Variants in MCHR2 observed in about 807,000 individuals in gnomAD.
The protein encoded by MCHR2 is melanin-concentrating hormone receptor 2.
MCHR2 carries 15 observed loss-of-function variants against 24.8 expected under a neutral mutation model. The observed-to-expected ratio is 0.60, with a 90% confidence interval of 0.40 to 0.93. MCHR2 has a LOEUF of 0.93. MCHR2 is among the 40% of genes least tolerant of loss of function. MCHR2 has a pLI of 0.00. For synonymous variants in MCHR2, 151 were observed against 147.6 expected (o/e 1.02, Z -0.17); for missense variants, 386 against 408.7 (o/e 0.94, Z 0.48).
intron 1 of MCHR2, among the ~76,000 whole-genome samples, chr6:99,958,584 A>T (rs187349252): frequency 6.6e-6 from 1 of 152,280 alleles, no homozygotes; most frequent in Non-Finnish European, 1.5e-5. Flanking sequence ...ATGGTAAAAC[A>T]GGAAATCTCA....
chr6:99,931,571 C>T (rs558268029), intron 5 of MCHR2, among the ~76,000 whole-genome samples: 23 of 152,264 alleles, frequency 1.5e-4, no homozygotes, highest in Admixed American at 8.5e-4. Context: ...CCCTCGCTGC[C>T]GCCTTGCAGT....
chr6:99,971,308 T>C (rs777219368), intron 1 of MCHR2, among the ~76,000 whole-genome samples: 1 of 150,260 alleles, frequency 6.7e-6, no homozygotes, highest in African/African-American at 2.4e-5. Context: ...AGGTATTTTA[T>C]TCTCTTTGAA....
chr6:99,928,328 GTATCAGGATGACGC>G lies in MCHR2; in HGVS notation c.707+6056_707+6069del, dbSNP rs539560079. Among the ~76,000 whole-genome samples, 409 of 152,308 alleles carry G rather than the reference GTATCAGGATGACGC, an allele frequency of 2.7e-3. 2 individuals carry two copies. Among genetic ancestry groups the G allele is most frequent in the African/African-American group, 9.4e-3 (392 of 41,560 alleles). ...TTGGTTGTGTTTCTGCCCGGCTTTG[GTATCAGGATGACGC>G]TGGCCTCATAAAATGAGTTAGGGAG... On this transcript the variant is annotated intron_variant, in intron 5 of 5. Coordinates refer to ENST00000281806, the MANE Select transcript of MCHR2 (RefSeq NM_001040179.2).
chr6:99,934,326 T>TAAGTTTCTA, intron 5 of MCHR2, 72 bp downstream of exon 5: 2 of 1,377,166 alleles, frequency 1.5e-6, no homozygotes, highest in Non-Finnish European at 1.9e-6. Context: ...CACTGTTGCC[T>TAAGTTTCTA]AAGTTTCTAT....
At chr6:99,953,531 T>G (rs989766418) in intron 2 of MCHR2, among the ~76,000 whole-genome samples, 2 of 152,126 alleles carry the variant, frequency 1.3e-5, no homozygotes, top group Non-Finnish European at 2.9e-5. Flanking sequence ...CTTAGAATAT[T>G]GATTACTTCC....
At chr6:99,962,448 C>G (rs1023815795) in intron 1 of MCHR2, among the ~76,000 whole-genome samples, 1 of 152,086 alleles carries the variant, frequency 6.6e-6, no homozygotes, top group African/African-American at 2.4e-5. Flanking sequence ...GAAGGACTAG[C>G]GTATGGTCAA....
intron 1 of MCHR2, among the ~76,000 whole-genome samples, chr6:99,978,697 C>T (rs1007342490): frequency 1.3e-5 from 2 of 152,038 alleles, no homozygotes; most frequent in Non-Finnish European, 2.9e-5. Flanking sequence ...GGATGACAGG[C>T]GTGAGCCACC....
intron 5 of MCHR2, among the ~76,000 whole-genome samples, chr6:99,924,992 T>G (rs1459487169): frequency 1.3e-5 from 2 of 152,136 alleles, no homozygotes; most frequent in African/African-American, 4.8e-5. Context: ...ATGCTGAAAG[T>G]AAGTTATTGA....
intron 3 of MCHR2, among the ~76,000 whole-genome samples, chr6:99,946,973 G>T (rs1416531962): frequency 6.6e-6 from 1 of 152,096 alleles, no homozygotes; most frequent in Non-Finnish European, 1.5e-5. Flanking sequence ...AGACAGGCCA[G>T]ATAGTGAGGC....
intron 2 of MCHR2, among the ~76,000 whole-genome samples, chr6:99,952,957 T>A (rs531045583): frequency 5.9e-5 from 9 of 152,296 alleles, no homozygotes; most frequent in African/African-American, 1.7e-4. Flanking sequence ...TAGATTTTTC[T>A]CAATATTGCA....
chr6:99,975,012 C>T (rs9385963), intron 1 of MCHR2, among the ~76,000 whole-genome samples: 50,175 of 152,084 alleles, frequency 0.33, 8,714 homozygotes, highest in Admixed American at 0.42. Context: ...TTAGGCTGCT[C>T]GGCGGTCAGG....
At chr6:99,978,717 C>A (rs1775608474) in intron 1 of MCHR2, among the ~76,000 whole-genome samples, 1 of 151,910 alleles carries the variant, frequency 6.6e-6, no homozygotes, top group African/African-American at 2.4e-5. Context: ...CATGCCTGGC[C>A]CAAGACAGTT....
chr6:99,950,303 T>G (rs1195023000), intron 2 of MCHR2, among the ~76,000 whole-genome samples: 1 of 152,158 alleles, frequency 6.6e-6, no homozygotes, highest in Non-Finnish European at 1.5e-5. Context: ...AACAATTAAA[T>G]AGAAATTGTA....
In MCHR2 at chr6:99,969,817, G is replaced by GT. The variant is rs1403863491; in HGVS notation, c.-27-13644dup. Among the ~76,000 whole-genome samples, 230 of 150,736 alleles carry GT rather than the reference G, an allele frequency of 1.5e-3. 1 individual carries two copies. Among genetic ancestry groups the GT allele is most frequent in the African/African-American group, 5.2e-3 (215 of 40,976 alleles). ...TATGAGTGAGAACATGTGGTGTTTG[G>GT]TTTTTGTCCTTGTGATAGTTCGCTG... On this transcript the variant is annotated intron_variant, in intron 1 of 5. Coordinates refer to ENST00000281806, the MANE Select transcript of MCHR2 (RefSeq NM_001040179.2).
At chr6:99,981,564 C>T (rs1359477125) in intron 1 of MCHR2, among the ~76,000 whole-genome samples, 1 of 152,160 alleles carries the variant, frequency 6.6e-6, no homozygotes, top group Non-Finnish European at 1.5e-5. Context: ...TCATTAACCT[C>T]TTTTGTAACC....
intron 4 of MCHR2, among the ~76,000 whole-genome samples, chr6:99,941,919 G>A (rs944412593): frequency 1.1e-4 from 16 of 151,882 alleles, no homozygotes; most frequent in Non-Finnish European, 1.9e-4. Context: ...TCCACATAAT[G>A]CAGAAATGAC....
At chr6:99,927,390 G>C (rs572659175) in intron 5 of MCHR2, among the ~76,000 whole-genome samples, 33 of 152,276 alleles carry the variant, frequency 2.2e-4, no homozygotes, top group African/African-American at 7.5e-4. Context: ...TTGGTAGCTT[G>C]ATGGGGATGG....
At position 99,930,355 on chromosome 6, in the gene MCHR2, C is replaced by A. The variant is rs374163127; in HGVS notation, c.707+4043G>T. On this transcript the variant is annotated intron_variant, in intron 5 of 5. Transcript: ENST00000281806. ...TCTCAAGGAGTATCTTTGTGGCGTT[C>A]TCTGTATTTCCTGAATCTGAATGTT... 1.1e-4 allele frequency among the ~76,000 whole-genome samples: 17 copies of A among 152,216 alleles called. No individual in the cohort carries two copies. In the East Asian group the frequency reaches 1.2e-3, roughly 10 times the overall value.
intron 5 of MCHR2, among the ~76,000 whole-genome samples, chr6:99,927,588 C>T (rs1379436485): frequency 1.3e-5 from 2 of 152,024 alleles, no homozygotes; most frequent in Non-Finnish European, 2.9e-5. Context: ...ATTTTATTCT[C>T]TTTGAAGCAA....
Sources: gnomAD v4.1 joint callset for allele counts (sites outside exome capture counted in the v4.1 genomes callset) on GRCh38, gnomAD v4.1.1 for gene constraint, MANE v1.5 for transcripts, NCBI Gene and HGNC (gene_info 2026-07-23, HGNC 2026-07-21) for gene names.